The following EIF4E1B variants were observed in gnomAD, a reference collection of about 807,000 sequenced individuals.
EIF4E1B encodes the protein eukaryotic translation initiation factor 4E family member 1B.
EIF4E1B carries 22 observed loss-of-function variants against 31.3 expected under a neutral mutation model. The observed-to-expected ratio is 0.70, with a 90% confidence interval of 0.50 to 1.00. The LOEUF (loss-of-function observed/expected upper bound fraction) is 1.00, where lower values mean the gene tolerates loss of function less well. Among genes scored for constraint, EIF4E1B ranks in the 50% least tolerant of loss-of-function variants. The pLI, the probability that EIF4E1B is intolerant of heterozygous loss-of-function variation, is 0.00. For synonymous variants in EIF4E1B, 126 were observed against 120.2 expected (o/e 1.05, Z -0.31); for missense variants, 290 against 311.6 (o/e 0.93, Z 0.52).
In EIF4E1B at chr5:176,644,456, T is replaced by A; in HGVS notation, c.360+17T>A. The A allele has an allele frequency of 6.3e-7, 1 of 1,589,564 alleles. No individual in the cohort carries two copies. Among genetic ancestry groups the A allele is most frequent in the Non-Finnish European group, 8.6e-7 (1 of 1,167,716 alleles). ...CTCTTCAAGGTAAGCTCTGCTCTCC[T>A]CTTTCCCTCCCGCAAAGGGACAAGG... On this transcript the variant is annotated intron_variant, in intron 6 of 8. Transcript: ENST00000318682.
chr5:176,639,381 G>T (rs1403714351), intron 1 of EIF4E1B, among the ~76,000 whole-genome samples: 1 of 152,184 alleles, frequency 6.6e-6, no homozygotes, highest in East Asian at 1.9e-4. Context: ...AGACAGACTT[G>T]GAAGGGCCTC....
chr5:176,640,872 C>T (rs1394379786), intron 1 of EIF4E1B, among the ~76,000 whole-genome samples: 1 of 152,234 alleles, frequency 6.6e-6, no homozygotes, highest in African/African-American at 2.4e-5. Context: ...GTTCCCACTC[C>T]CAGAGATGCC....
Position 176,645,990 on chromosome 5 carries a change from T to C in EIF4E1B, c.*10T>C, listed in dbSNP as rs1760699680. 1 of 1,583,786 alleles carries C rather than the reference T, an allele frequency of 6.3e-7. No individual in the cohort carries two copies. The highest frequency in any genetic ancestry group is 8.6e-7 in the Non-Finnish European group (1 of 1,163,016). Reference sequence around the variant, plus strand: ...CAAGTTTGTGGTGTGAGGGGGGCCTTGGCACCCCTCCTATGTAATGGGACA... The same window carrying C: ...CAAGTTTGTGGTGTGAGGGGGGCCTCGGCACCCCTCCTATGTAATGGGACA... On this transcript the variant is annotated 3_prime_UTR_variant, in exon 9 of 9. Coordinates refer to ENST00000318682, the MANE Select transcript of EIF4E1B (RefSeq NM_001099408.2). This position sits in a 1 kb window ranked among gnomAD's most constrained non-coding sequence, Gnocchi z 5.4.
rs576695856 is a variant in EIF4E1B, at chr5:176,636,537, C to T, written c.-202+5473C>T. Among the ~76,000 whole-genome samples the T allele has an allele frequency of 5.3e-4, 81 of 152,324 alleles. 1 individual carries two copies. The highest frequency in any genetic ancestry group is 1.8e-3 in the African/African-American group (75 of 41,572). On this transcript the variant is annotated intron_variant, in intron 1 of 8. Transcript: ENST00000318682. ...TAAGTGGATCCTGGGGATTCCAGCC[C>T]CGCCTGGGTTCTGCAAAAATCCAGA...
At position 176,643,706 on chromosome 5, in the gene EIF4E1B, A is replaced by G. The variant is rs1760639043; in HGVS notation, c.268A>G (p.Lys90Glu). 6.2e-7 allele frequency: 1 copy of G among 1,613,178 alleles called. No homozygotes were observed. Among genetic ancestry groups the G allele is most frequent in the East Asian group, 2.2e-5 (1 of 44,856 alleles). Residue 90 changes from lysine to glutamate, a missense_variant, in exon 5 of 9, where the codon AAG becomes GAG. Coordinates refer to ENST00000318682, the MANE Select transcript of EIF4E1B (RefSeq NM_001099408.2). Reference sequence around the variant, plus strand: ...GCAGGACAACCTGCACCTGGTCACCAAGGTGGACACTGTGGAGGACTTCTG... The same window carrying G: ...GCAGGACAACCTGCACCTGGTCACCGAGGTGGACACTGTGGAGGACTTCTG... ...AWQDNLHLVTKVDTVEDFWAL... is the reference protein window; with the variant it reads ...AWQDNLHLVTEVDTVEDFWAL...
intron 5 of EIF4E1B, 115 bp downstream of exon 5, chr5:176,643,849 T>C: frequency 8.8e-7 from 1 of 1,129,986 alleles, no homozygotes; most frequent in South Asian, 1.5e-5. Flanking sequence ...GGGCTGGGGC[T>C]TTGTGGGTTC....
In EIF4E1B at chr5:176,643,087, T is replaced by A; in HGVS notation, c.21T>A (p.Ser7Arg). The A allele has an allele frequency of 6.2e-7, 1 of 1,609,546 alleles. No homozygotes were observed. Among genetic ancestry groups the A allele is most frequent in the Non-Finnish European group, 8.5e-7 (1 of 1,177,930 alleles). The change falls in exon 4 of 9, where the codon AGT becomes AGA. Residue 7 changes from serine to arginine, a missense_variant. By Grantham distance (110) the Ser-to-Arg change is moderately radical. Transcript: ENST00000318682. ...GACTCCTTTTTTTGGCTCAGGTGAG[T>A]GAAGCTGAGGGTGGAATCCGAGAGT... Reference protein sequence around the residue: MLAVEVSEAEGGIREWE... With the variant: MLAVEVREAEGGIREWE...
chr5:176,645,350 T>A lies in EIF4E1B; in HGVS notation c.475-27T>A. On this transcript the variant is annotated intron_variant, in intron 7 of 8. Coordinates refer to ENST00000318682, the MANE Select transcript of EIF4E1B (RefSeq NM_001099408.2). This position sits in a 1 kb window ranked among gnomAD's most constrained non-coding sequence, Gnocchi z 5.4. ...CCAGTCCCTATGTCCCAGCCGGTGA[T>A]CTCACAACCCCCTACTTCGGGTCCA... 6.5e-7 allele frequency: 1 copy of A among 1,542,816 alleles called. No individual in the cohort carries two copies.
intron 5 of EIF4E1B, chr5:176,644,120 CTG>C: frequency 1.7e-6 from 1 of 573,976 alleles, no homozygotes; most frequent in Non-Finnish European, 3.1e-6. Context: ...AAGGCCTCGG[CTG>C]TAGCTGGAGG....
At chr5:176,634,452 G>A (rs1330176544) in intron 1 of EIF4E1B, among the ~76,000 whole-genome samples, 1 of 152,114 alleles carries the variant, frequency 6.6e-6, no homozygotes, top group Non-Finnish European at 1.5e-5. Context: ...TCATTGAACA[G>A]AAAATTGGTT....
Sources: gnomAD v4.1 joint callset for allele counts (sites outside exome capture counted in the v4.1 genomes callset) on GRCh38, gnomAD v4.1.1 for gene constraint, Gnocchi (gnomAD v3.1) non-coding constraint, MANE v1.5 for transcripts, NCBI Gene and HGNC (gene_info 2026-07-23, HGNC 2026-07-21) for gene names.